Variants in DTNB observed in about 807,000 individuals in gnomAD.
DTNB encodes dystrobrevin beta.
In DTNB, 63 loss-of-function variants were observed where a neutral mutation model predicts 90.7. The observed-to-expected ratio is 0.69, with a 90% CI of 0.57 to 0.86. The LOEUF is 0.86. Among genes scored for constraint, DTNB ranks in the 40% least tolerant of loss-of-function variants. The pLI is 0.00. For synonymous variants in DTNB, 277 were observed against 286.7 expected, an observed-to-expected ratio of 0.97 and a Z score of 0.34; for missense variants, 744 against 807.1, an observed-to-expected ratio of 0.92 and a Z score of 0.95.
chr2:25,504,250 A>G (rs2071642387), intron 9 of DTNB, among the ~76,000 whole-genome samples: 3 of 151,844 alleles, frequency 2.0e-5, no homozygotes, highest in Admixed American at 2.0e-4. Flanking sequence ...CCTGGGTGAC[A>G]GAGAGAAAGG....
chr2:25,643,013 C>A (rs1268040320), intron 2 of DTNB, among the ~76,000 whole-genome samples: 1 of 152,172 alleles, frequency 6.6e-6, no homozygotes, highest in Admixed American at 6.5e-5. Context: ...CTCAGCCTCG[C>A]AAAGTGCTGG....
intron 1 of DTNB, among the ~76,000 whole-genome samples, chr2:25,664,882 C>A (rs2084053084): frequency 6.6e-6 from 1 of 152,028 alleles, no homozygotes; most frequent in South Asian, 2.1e-4. Flanking sequence ...TGTCACATCG[C>A]CCCCTCCAGG....
chr2:25,377,715 C>T (rs949653867), intron 20 of DTNB, among the ~76,000 whole-genome samples, 162 bp from the exon 21 acceptor site: 4 of 152,184 alleles, frequency 2.6e-5, no homozygotes, highest in African/African-American at 7.2e-5. Flanking sequence ...GGTCCTCTGC[C>T]ATCATTCCTA....
chr2:25,654,930 T>TAGGG (rs1451424157), intron 1 of DTNB, among the ~76,000 whole-genome samples: 1 of 152,158 alleles, frequency 6.6e-6, no homozygotes. Context: ...CAGTCAGTGT[T>TAGGG]CCCTAAGTGT....
At chr2:25,451,744 A>G (rs2059322847) in intron 11 of DTNB, 109 bp from the exon 12 acceptor site, 7 of 1,099,076 alleles carry the variant, frequency 6.4e-6, no homozygotes, top group Middle Eastern at 3.0e-4. Context: ...TGGTAATAAA[A>G]GAACTAGAGG....
chr2:25,484,608 T>C (rs2065755254), intron 9 of DTNB, among the ~76,000 whole-genome samples: 1 of 152,218 alleles, frequency 6.6e-6, no homozygotes, highest in African/African-American at 2.4e-5. Flanking sequence ...AAATGATTTT[T>C]CCATTTAATG....
rs905036673 is a variant in DTNB, at chr2:25,435,854, A to G, written c.1258-1859T>C. ...CCTGCCAGCAATGTATCAAGGTTCT[A>G]TTTTTTCCACATCATCCTAATGGGT... On this transcript the variant is annotated intron_variant, in intron 12 of 20. Coordinates refer to ENST00000406818, the MANE Select transcript of DTNB (RefSeq NM_021907.5). Among the ~76,000 whole-genome samples, 3 of 152,138 alleles carry G rather than the reference A, an allele frequency of 2.0e-5. No individual in the cohort carries two copies. In the South Asian group the frequency reaches 6.2e-4, roughly 32 times the overall value.
intron 3 of DTNB, among the ~76,000 whole-genome samples, chr2:25,637,631 G>C (rs1480709076): frequency 6.6e-6 from 1 of 152,210 alleles, no homozygotes; most frequent in Non-Finnish European, 1.5e-5. Flanking sequence ...CTGGCCATGA[G>C]AGAAATGCAA....
intron 8 of DTNB, among the ~76,000 whole-genome samples, chr2:25,571,495 T>C (rs918114844): frequency 3.3e-5 from 5 of 152,226 alleles, no homozygotes; most frequent in African/African-American, 1.2e-4. Flanking sequence ...TGCTGGCTTC[T>C]TTCCCTGGAT....
rs770625618 is a variant in DTNB, at chr2:25,596,195, C to T, written c.494G>A (p.Ser165Asn). 1 of 1,613,138 alleles carries T rather than the reference C, an allele frequency of 6.2e-7. No homozygotes were observed. The highest frequency in any genetic ancestry group is 1.1e-5 in the South Asian group (1 of 90,982). The change falls in exon 6 of 21, where the codon AGC (serine) becomes AAC (asparagine). Residue 165 changes from serine (S) to asparagine (N), a missense_variant. Coordinates refer to ENST00000406818, the MANE Select transcript of DTNB (RefSeq NM_021907.5). Reference protein sequence around the residue: ...MSDSNGLMIFSKFDQFLKEVL... With the variant: ...MSDSNGLMIFNKFDQFLKEVL... ...TTCCTTCAGAAACTGGTCAAACTTG[C>T]TAAATATCATTAAGCCATTGGAATC... is the stretch of plus-strand genomic sequence containing the variant.
intron 20 of DTNB, 25 bp downstream of exon 20, chr2:25,379,265 G>A (rs2036828146): frequency 7.5e-7 from 1 of 1,328,536 alleles, no homozygotes; most frequent in African/African-American, 1.5e-5. Context: ...GGGCCGTGGG[G>A]AGGCAGAGGA....
intron 8 of DTNB, among the ~76,000 whole-genome samples, chr2:25,552,841 A>ATTTTTTTTTTTTTTT: frequency 1.2e-5 from 1 of 86,036 alleles, no homozygotes; most frequent in Non-Finnish European, 2.3e-5. Flanking sequence ...TCTCTTTTTG[A>ATTTTTTTTTTTTTTT]TTTTTTTTTT....
intron 6 of DTNB, among the ~76,000 whole-genome samples, chr2:25,589,080 T>A (rs2062996882): frequency 6.6e-6 from 1 of 152,058 alleles, no homozygotes; most frequent in African/African-American, 2.4e-5. Context: ...AGGAGAAAAA[T>A]CATTTCGCTA....
At chr2:25,585,673 T>A (rs2062261984) in intron 6 of DTNB, among the ~76,000 whole-genome samples, 1 of 152,244 alleles carries the variant, frequency 6.6e-6, no homozygotes, top group African/African-American at 2.4e-5. Flanking sequence ...AAAACTCCTA[T>A]AATGTGCAAC....
chr2:25,379,165 T>G, intron 20 of DTNB, 125 bp downstream of exon 20: 1 of 923,824 alleles, frequency 1.1e-6, no homozygotes, highest in East Asian at 3.3e-5. Context: ...ACAGTTGGGC[T>G]CTTGCATCTT....
chr2:25,580,096 C>T (rs1214761671), intron 7 of DTNB, among the ~76,000 whole-genome samples: 1 of 149,486 alleles, frequency 6.7e-6, no homozygotes, highest in African/African-American at 2.5e-5. Flanking sequence ...ATTCTCCTGC[C>T]TCAGCCTCCC....
chr2:25,489,199 C>T (rs1265404502), intron 9 of DTNB, among the ~76,000 whole-genome samples: 2 of 152,170 alleles, frequency 1.3e-5, no homozygotes, highest in African/African-American at 4.8e-5. Context: ...AAAATTCCTA[C>T]AAAATCTCTC....
At position 25,567,838 on chromosome 2, in the gene DTNB, T is replaced by A. The variant is rs576952545; in HGVS notation, c.876+9000A>T. On this transcript the variant is annotated intron_variant, in intron 8 of 20. Transcript: ENST00000406818. ...TGGAAGGCAGAGAAGGAGGCATATT[T>A]GCTATGAGCCTTCCTTGCATATCAA... 5.3e-5 allele frequency among the ~76,000 whole-genome samples: 8 copies of A among 152,232 alleles called. No homozygotes were observed. The South Asian group carries it at 1.5e-3, about 28-fold the overall frequency.
At chr2:25,404,994 AG>A (rs1279870331) in intron 16 of DTNB, among the ~76,000 whole-genome samples, 2 of 152,102 alleles carry the variant, frequency 1.3e-5, no homozygotes, top group African/African-American at 4.8e-5. Flanking sequence ...CTCAGGCTGG[AG>A]TGCAGTGGCA....
Sources: allele counts gnomAD v4.1 joint callset (sites outside exome capture counted in the v4.1 genomes callset), GRCh38; gene constraint gnomAD v4.1.1; transcripts MANE v1.5; gene names NCBI Gene and HGNC (gene_info 2026-07-23, HGNC 2026-07-21).